Variants in LAMA2 observed in about 807,000 individuals in gnomAD.
LAMA2 encodes laminin subunit alpha-2.
In LAMA2, 269 loss-of-function variants were observed where a neutral mutation model predicts 364.8. The observed-to-expected ratio is 0.74, with a 90% CI of 0.67 to 0.82. The LOEUF is 0.82. LAMA2 is among the 40% of genes least tolerant of loss of function. LAMA2 has a pLI of 0.00. For missense variants in LAMA2, 3,807 were observed against 3,873.2 expected (o/e 0.98, Z 0.45); for synonymous variants, 1,379 against 1,370.6 (o/e 1.01, Z -0.14).
intron 3 of LAMA2, among the ~76,000 whole-genome samples, chr6:129,074,568 T>C (rs1462074041): frequency 1.3e-5 from 2 of 152,214 alleles, no homozygotes; most frequent in East Asian, 3.8e-4. Context: ...AACTGCTGTT[T>C]TTAGTATTTT....
chr6:129,355,792 C>T (rs1249482648), intron 32 of LAMA2, among the ~76,000 whole-genome samples: 1 of 152,098 alleles, frequency 6.6e-6, no homozygotes, highest in Non-Finnish European at 1.5e-5. Context: ...CCTTTAGTTA[C>T]TTCCCTGGGA....
intron 22 of LAMA2, among the ~76,000 whole-genome samples, chr6:129,310,018 G>A (rs532020982): frequency 6.7e-6 from 1 of 150,040 alleles, no homozygotes; most frequent in East Asian, 2.0e-4. Flanking sequence ...TCCTGCCTCA[G>A]CCTCCCGAGT....
intron 8 of LAMA2, among the ~76,000 whole-genome samples, chr6:129,162,207 G>A (rs1038653990): frequency 2.0e-5 from 3 of 152,118 alleles, no homozygotes; most frequent in Admixed American, 6.6e-5. Flanking sequence ...AGTGTGAGAT[G>A]GTAGTATTTT....
At chr6:129,252,364 A>G in intron 14 of LAMA2, 69 bp downstream of exon 14, 1 of 1,211,784 alleles carries the variant, frequency 8.3e-7, no homozygotes, top group Non-Finnish European at 1.2e-6. Context: ...GAGCCGCCCC[A>G]GGAGTGAATT....
intron 64 of LAMA2, 94 bp downstream of exon 64, chr6:129,514,689 T>G (rs564131143): frequency 5.2e-6 from 5 of 961,520 alleles, no homozygotes; most frequent in Non-Finnish European, 8.2e-6. Flanking sequence ...GAATGTGTGC[T>G]TATGTGTACT....
At chr6:129,505,060 T>C (rs2114899588) in intron 60 of LAMA2, 140 bp from the exon 61 acceptor site, 1 of 737,306 alleles carries the variant, frequency 1.4e-6, no homozygotes, top group East Asian at 2.6e-5. Flanking sequence ...TTCCCATATA[T>C]AATGGGCTTA....
intron 1 of LAMA2, among the ~76,000 whole-genome samples, chr6:128,917,704 T>TC (rs1278943252): frequency 2.6e-3 from 251 of 98,042 alleles, no homozygotes; most frequent in African/African-American, 0.01. Context: ...TTTTTCTTTT[T>TC]TTTTTCTTTC....
intron 1 of LAMA2, among the ~76,000 whole-genome samples, chr6:128,917,699 C>CTTTTTT (rs113304257): frequency 9.9e-6 from 1 of 100,956 alleles, no homozygotes; most frequent in African/African-American, 4.1e-5. Flanking sequence ...TGTCCTTTTT[C>CTTTTTT]TTTTTTTTTT....
intron 22 of LAMA2, among the ~76,000 whole-genome samples, chr6:129,312,305 A>C (rs1325253785): frequency 6.6e-6 from 1 of 152,198 alleles, no homozygotes; most frequent in Non-Finnish European, 1.5e-5. Flanking sequence ...ATGCCAAAAA[A>C]CAATATACTA....
intron 1 of LAMA2, among the ~76,000 whole-genome samples, chr6:128,923,658 C>T (rs570447819): frequency 1.2e-3 from 179 of 152,214 alleles, no homozygotes; most frequent in Non-Finnish European, 2.4e-3. Context: ...TTCTCAATAT[C>T]ACTGCTAATT....
At chr6:128,910,123 G>C (rs185557125) in intron 1 of LAMA2, among the ~76,000 whole-genome samples, 1 of 152,054 alleles carries the variant, frequency 6.6e-6, no homozygotes, top group Admixed American at 6.5e-5. Flanking sequence ...TCTTGGAGTT[G>C]CTTTTCTCGA....
At chr6:128,883,835 C>CATAT (rs71543147) in intron 1 of LAMA2, among the ~76,000 whole-genome samples, 11 of 117,718 alleles carry the variant, frequency 9.3e-5, no homozygotes, top group Admixed American at 1.6e-4. Context: ...CACACACACA[C>CATAT]ATATATATAT....
intron 3 of LAMA2, among the ~76,000 whole-genome samples, chr6:129,070,536 G>T (rs903999488): frequency 1.3e-5 from 2 of 148,760 alleles, no homozygotes; most frequent in South Asian, 4.2e-4. Context: ...AAACTCTTTT[G>T]TAACAGCTTC....
intron 34 of LAMA2, among the ~76,000 whole-genome samples, chr6:129,372,495 T>G (rs1435750517): frequency 2.0e-5 from 3 of 152,244 alleles, no homozygotes; most frequent in African/African-American, 7.2e-5. Flanking sequence ...CTTTGTAGTG[T>G]TGAATAATAT....
In LAMA2 at chr6:129,098,388, C is replaced by T. The variant is rs201236591; in HGVS notation, c.612C>T (p.Ser204=). Residue 204 remains serine (S), a synonymous_variant, in exon 4 of 65, where the codon TCC becomes TCT. Transcript: ENST00000421865. ...AGGTCATCTGCACTTCATTTTACTC[C>T]AAGATACACCCCTTAGAAAATGGAG... ...DDEVICTSFY[S]KIHPLENGEI... 1 of 1,613,942 alleles carries T rather than the reference C, an allele frequency of 6.2e-7. No homozygotes were observed. Among genetic ancestry groups the T allele is most frequent in the African/African-American group, 1.3e-5 (1 of 74,992 alleles).
rs147464809 is a variant in LAMA2 at position 129,467,358 on chromosome 6, G to T, written c.7300+2069G>T. On this transcript the variant is annotated intron_variant, in intron 51 of 64. Transcript: ENST00000421865. ...CAATAGACACTGGGGACTCCAAAAG[G>T]GGGGAGGGAGGAGAAGGGGTGAAGA... Among the ~76,000 whole-genome samples the T allele has an allele frequency of 9.0e-3, 1,364 of 151,848 alleles. 7 individuals carry two copies. The highest frequency in any genetic ancestry group is 0.012 in the Non-Finnish European group (785 of 67,844).
intron 1 of LAMA2, among the ~76,000 whole-genome samples, chr6:129,021,555 G>T (rs1036756638): frequency 6.6e-6 from 1 of 152,164 alleles, no homozygotes; most frequent in African/African-American, 2.4e-5. Context: ...AACATATATA[G>T]AGTGTAGTTA....
rs763964423 is a variant in LAMA2, at chr6:129,335,356, G to GTAGGTAGA, written c.4311+6947_4311+6948insGTAGATAG. 5.8e-3 allele frequency among the ~76,000 whole-genome samples: 868 copies of GTAGGTAGA among 148,474 alleles called. 9 individuals are homozygous for GTAGGTAGA. Among genetic ancestry groups the GTAGGTAGA allele is most frequent in the African/African-American group, 0.02 (806 of 40,140 alleles). On this transcript the variant is annotated intron_variant, in intron 29 of 64. Transcript: ENST00000421865. ...GTACACACACATAGGTAGTAAGTAG[G>GTAGGTAGA]TAGATAGATAGATAGATAGATAGAT...
At chr6:129,446,886 A>T (rs187492198) in intron 45 of LAMA2, among the ~76,000 whole-genome samples, 2 of 152,340 alleles carry the variant, frequency 1.3e-5, no homozygotes, top group African/African-American at 4.8e-5. Context: ...ACTGAAAAAA[A>T]ACCTAGAAAA....
Sources: gnomAD v4.1 joint callset for allele counts (sites outside exome capture counted in the v4.1 genomes callset) on GRCh38, gnomAD v4.1.1 for gene constraint, MANE v1.5 for transcripts, NCBI Gene and HGNC (gene_info 2026-07-23, HGNC 2026-07-21) for gene names.